Variants in DCLK1 observed in about 807,000 individuals in gnomAD.
DCLK1 encodes doublecortin like kinase 1, also known as serine/threonine-protein kinase DCLK1.
A neutral mutation model predicts 86.2 loss-of-function variants in DCLK1; 16 were observed. The observed-to-expected ratio is 0.19, with a 90% CI of 0.13 to 0.28. DCLK1 has a LOEUF of 0.28. DCLK1 is among the 10% of genes least tolerant of loss of function. The pLI is 1.00. For missense variants in DCLK1, 590 were observed against 940.2 expected (o/e 0.63, Z 4.87); for synonymous variants, 369 against 370.5 (o/e 1.00, Z 0.05).
At chr13:35,853,722 G>A (rs560670981) in intron 6 of DCLK1, among the ~76,000 whole-genome samples, 4 of 152,258 alleles carry the variant, frequency 2.6e-5, no homozygotes, top group South Asian at 4.1e-4. Flanking sequence ...TCCTAGGAGC[G>A]TACATTCCCC....
chr13:36,006,937 A>G (rs1880997921), intron 3 of DCLK1, among the ~76,000 whole-genome samples: 1 of 152,228 alleles, frequency 6.6e-6, no homozygotes, highest in African/African-American at 2.4e-5. Context: ...AAATATGAAA[A>G]TGTCTGAATT....
At chr13:36,036,228 G>C (rs763821474) in intron 3 of DCLK1, among the ~76,000 whole-genome samples, 1 of 152,130 alleles carries the variant, frequency 6.6e-6, no homozygotes, top group African/African-American at 2.4e-5. Flanking sequence ...ATAAAAAGTG[G>C]GTATAAATAT....
chr13:35,855,827 T>A, intron 5 of DCLK1: 1 of 1,233,404 alleles, frequency 8.1e-7, no homozygotes, highest in Middle Eastern at 3.2e-4. Flanking sequence ...GAAGCCCCAG[T>A]GCTGTCAGTA....
intron 2 of DCLK1, among the ~76,000 whole-genome samples, chr13:36,116,129 T>C (rs1286197787): frequency 6.6e-6 from 1 of 151,742 alleles, no homozygotes; most frequent in Non-Finnish European, 1.5e-5. Flanking sequence ...TTTATATTTT[T>C]AGTAGAGACA....
rs747282517 is a variant in DCLK1, at chr13:35,826,537, A to AGG, written c.1407+1097_1407+1098insCC. Among the ~76,000 whole-genome samples, 562 of 60,158 alleles carry AGG rather than the reference A, an allele frequency of 9.3e-3. 147 individuals carry two copies. Among genetic ancestry groups the AGG allele is most frequent in the East Asian group, 0.032 (51 of 1,576 alleles). The allele number at this position is 60,158 out of a possible 152,430, so 39.5% of individuals were successfully genotyped here. ...AAACTCCATCTCAAAAAAAAAAAAA[A>AGG]AAAAAGAAAGAAAGAAAGAAAGAAA... On this transcript the variant is annotated intron_variant, in intron 10 of 16. Transcript: ENST00000360631.
intron 4 of DCLK1, among the ~76,000 whole-genome samples, chr13:35,943,568 C>T (rs1341571420): frequency 6.6e-6 from 1 of 152,124 alleles, no homozygotes; most frequent in Non-Finnish European, 1.5e-5. Context: ...TGACAGGTAT[C>T]TGGACTCCCG....
At chr13:35,998,779 T>C (rs1291264070) in intron 3 of DCLK1, among the ~76,000 whole-genome samples, 1 of 152,202 alleles carries the variant, frequency 6.6e-6, no homozygotes, top group African/African-American at 2.4e-5. Flanking sequence ...CCAGGTGAGA[T>C]GAGAACGTAC....
At chr13:36,001,384 C>T (rs1880713506) in intron 3 of DCLK1, among the ~76,000 whole-genome samples, 1 of 152,178 alleles carries the variant, frequency 6.6e-6, no homozygotes, top group Non-Finnish European at 1.5e-5. Flanking sequence ...ATGGAAAGAA[C>T]CAGCTGCCTA....
At chr13:36,035,664 G>A (rs992499452) in intron 3 of DCLK1, among the ~76,000 whole-genome samples, 4 of 152,176 alleles carry the variant, frequency 2.6e-5, no homozygotes, top group Non-Finnish European at 4.4e-5. Flanking sequence ...TCAGCCTCCC[G>A]AGCAGCTGGG....
At chr13:36,129,933 G>T (rs1356725595) in intron 1 of DCLK1, among the ~76,000 whole-genome samples, 1 of 151,994 alleles carries the variant, frequency 6.6e-6, no homozygotes, top group Non-Finnish European at 1.5e-5. Context: ...CATGGTTCTT[G>T]TTTCAGAAAT....
intron 4 of DCLK1, among the ~76,000 whole-genome samples, chr13:35,880,865 T>C (rs1392994151): frequency 1.3e-5 from 2 of 152,202 alleles, no homozygotes. Flanking sequence ...TGGCTGGCTC[T>C]GAGCTTCTTC....
chr13:36,101,631 A>T (rs1374326336), intron 3 of DCLK1, among the ~76,000 whole-genome samples: 1 of 151,900 alleles, frequency 6.6e-6, no homozygotes, highest in African/African-American at 2.4e-5. Flanking sequence ...TCACATTCTG[A>T]CTCAGTAGGT....
rs1218882430 is a variant in DCLK1, at chr13:35,773,102, T to C, written c.*1433A>G. On this transcript the variant is annotated 3_prime_UTR_variant, in exon 17 of 17. Coordinates refer to ENST00000360631, the MANE Select transcript of DCLK1 (RefSeq NM_001330071.2). ...CCCCAGGAGAATCCTCTCTGAGCACTGTGGTGATGCACAGAACCTGTGAAT... is the reference window on the plus strand; with the variant it reads ...CCCCAGGAGAATCCTCTCTGAGCACCGTGGTGATGCACAGAACCTGTGAAT... 1 of 152,290 alleles carries C rather than the reference T, an allele frequency of 6.6e-6. No individual in the cohort carries two copies. The highest frequency in any genetic ancestry group is 1.5e-5 in the Non-Finnish European group (1 of 68,040). The allele number at this position is 152,290 out of a possible 1,614,324, so 9.4% of individuals were successfully genotyped here.
At chr13:35,841,591 T>A (rs1214437859) in intron 6 of DCLK1, among the ~76,000 whole-genome samples, 3 of 152,194 alleles carry the variant, frequency 2.0e-5, no homozygotes, top group Non-Finnish European at 4.4e-5. Context: ...ATTTTCAATG[T>A]TACAACTGTA....
chr13:35,827,445 G>A (rs1034963255), intron 10 of DCLK1, among the ~76,000 whole-genome samples, 190 bp downstream of exon 10: 8 of 152,100 alleles, frequency 5.3e-5, no homozygotes, highest in African/African-American at 1.9e-4. Flanking sequence ...CCAAAGTCAT[G>A]GGCCTCTTTG....
intron 3 of DCLK1, among the ~76,000 whole-genome samples, chr13:36,045,645 A>C (rs2153156202): frequency 6.6e-6 from 1 of 152,018 alleles, no homozygotes; most frequent in Admixed American, 6.6e-5. Flanking sequence ...TGAGGTCAGG[A>C]GTTCAAGACC....
chr13:35,917,889 A>G (rs1344404780), intron 4 of DCLK1, among the ~76,000 whole-genome samples: 1 of 152,130 alleles, frequency 6.6e-6, no homozygotes, highest in Non-Finnish European at 1.5e-5. Flanking sequence ...CCTGACACAC[A>G]TTTCAGAATT....
intron 3 of DCLK1, among the ~76,000 whole-genome samples, chr13:35,968,481 C>T (rs1247359882): frequency 6.6e-6 from 1 of 152,200 alleles, no homozygotes; most frequent in Non-Finnish European, 1.5e-5. Context: ...TTTTCCTGAA[C>T]ATCAGATGAA....
intron 9 of DCLK1, 80 bp from the exon 10 acceptor site, chr13:35,827,834 G>GT: frequency 6.5e-7 from 1 of 1,542,432 alleles, no homozygotes; most frequent in Non-Finnish European, 8.8e-7. Context: ...ACTATACTAT[G>GT]TAAGGGTCAA....
Sources: gnomAD v4.1 joint callset for allele counts (sites outside exome capture counted in the v4.1 genomes callset) on GRCh38, gnomAD v4.1.1 for gene constraint, MANE v1.5 for transcripts, NCBI Gene and HGNC (gene_info 2026-07-23, HGNC 2026-07-21) for gene names.